The following LYPLA1 variants were observed in gnomAD, a reference collection of about 807,000 sequenced individuals.
LYPLA1 encodes acyl-protein thioesterase 1.
A neutral mutation model predicts 34.0 loss-of-function variants in LYPLA1; 17 were observed. That is an observed-to-expected ratio of 0.50 (90% confidence interval 0.34 to 0.75). The LOEUF is 0.75. Ranked by LOEUF, LYPLA1 falls within the 30% of genes least tolerant of loss-of-function variation. The probability of loss-of-function intolerance (pLI) is 0.01; values close to 1 mark genes in which losing one functional copy is unlikely to be tolerated. For missense variants in LYPLA1, 203 were observed against 288.8 expected, an observed-to-expected ratio of 0.70 and a Z score of 2.15; for synonymous variants, 98 against 100.8, an observed-to-expected ratio of 0.97 and a Z score of 0.17.
Position 54,063,363 on chromosome 8 carries a change from A to C in LYPLA1, c.180T>G (p.Pro60=). 2 of 1,534,746 alleles carry C rather than the reference A, an allele frequency of 1.3e-6. No individual in the cohort carries two copies. The highest frequency in any genetic ancestry group is 1.8e-6 in the Non-Finnish European group (2 of 1,138,506). Residue 60 remains proline (P), a synonymous_variant, in exon 4 of 9, where the codon CCT becomes CCG. Transcript: ENST00000316963. ...KYICPHAPVR[P]VTLNMNVAMP... ...TAGCCACGTTCATATTTAATGTAACAGGCCTAACAGGCCTACATGGAAAAG... is the reference window on the plus strand; with the variant it reads ...TAGCCACGTTCATATTTAATGTAACCGGCCTAACAGGCCTACATGGAAAAG...
intron 1 of LYPLA1, 84 bp downstream of exon 1, chr8:54,101,671 G>A (rs1563687402): frequency 1.7e-6 from 2 of 1,176,776 alleles, no homozygotes; most frequent in Non-Finnish European, 1.1e-6. Context: ...GCCGCCACGC[G>A]CCCGCAACGC....
downstream of LYPLA1, among the ~76,000 whole-genome samples, chr8:54,045,994 G>C (rs980297064): frequency 6.6e-6 from 1 of 152,160 alleles, no homozygotes. Context: ...CTGGGAGGCA[G>C]AGGTTGCAGT....
chr8:54,050,525 G>A (rs1805773587), intron 8 of LYPLA1, among the ~76,000 whole-genome samples: 1 of 152,160 alleles, frequency 6.6e-6, no homozygotes, highest in African/African-American at 2.4e-5. Flanking sequence ...TGAATGGCTT[G>A]CTTTTCCTGT....
At chr8:54,090,846 T>C (rs143478568) in intron 2 of LYPLA1, among the ~76,000 whole-genome samples, 1 of 152,230 alleles carries the variant, frequency 6.6e-6, no homozygotes, top group Non-Finnish European at 1.5e-5. Context: ...GCTGTTCTTA[T>C]GACAGTGAGT....
intron 2 of LYPLA1, among the ~76,000 whole-genome samples, chr8:54,083,466 T>C (rs1204797724): frequency 6.6e-6 from 1 of 152,224 alleles, no homozygotes; most frequent in Non-Finnish European, 1.5e-5. Context: ...GATGAATTTA[T>C]CATGATGTAA....
At chr8:54,080,105 G>A (rs1428646013) in intron 2 of LYPLA1, among the ~76,000 whole-genome samples, 1 of 152,002 alleles carries the variant, frequency 6.6e-6, no homozygotes, top group African/African-American at 2.4e-5. Flanking sequence ...TAATCTTCAG[G>A]CTGGGCGTGG....
intron 5 of LYPLA1, among the ~76,000 whole-genome samples, chr8:54,057,021 C>G (rs189293054): frequency 3.1e-4 from 47 of 152,238 alleles, no homozygotes; most frequent in African/African-American, 1.1e-3. Flanking sequence ...CATCACTGAT[C>G]GCCAGCAAAA....
At chr8:54,084,519 T>G (rs1309291476) in intron 2 of LYPLA1, among the ~76,000 whole-genome samples, 1 of 151,738 alleles carries the variant, frequency 6.6e-6, no homozygotes, top group South Asian at 2.1e-4. Flanking sequence ...AGCAGTGAGT[T>G]GAGATTGAGC....
intron 1 of LYPLA1, chr8:54,101,429 C>G (rs1476619713): frequency 9.3e-7 from 1 of 1,079,116 alleles, no homozygotes; most frequent in Non-Finnish European, 1.1e-6. Flanking sequence ...TCCTGGCGGA[C>G]TTAGGTTTCC....
At chr8:54,086,595 G>A (rs1440000168) in intron 2 of LYPLA1, among the ~76,000 whole-genome samples, 2 of 146,764 alleles carry the variant, frequency 1.4e-5, no homozygotes, top group Admixed American at 1.4e-4. Flanking sequence ...CAGGTGTGAT[G>A]GCTCACACTC....
downstream of LYPLA1, among the ~76,000 whole-genome samples, chr8:54,044,352 T>C (rs1281706455): frequency 2.0e-5 from 3 of 152,136 alleles, no homozygotes; most frequent in African/African-American, 4.8e-5. Flanking sequence ...CATAAAGTAT[T>C]TGTTTGCTTC....
chr8:54,081,183 A>G (rs1435327798), intron 2 of LYPLA1, among the ~76,000 whole-genome samples: 1 of 152,192 alleles, frequency 6.6e-6, no homozygotes, highest in Non-Finnish European at 1.5e-5. Context: ...CCAAATATAC[A>G]GACAATGCAA....
chr8:54,084,141 A>ATATACAT (rs1554547935), intron 2 of LYPLA1, among the ~76,000 whole-genome samples: 1 of 118,676 alleles, frequency 8.4e-6, no homozygotes, highest in African/African-American at 4.6e-5. Flanking sequence ...AAAATAAATA[A>ATATACAT]ATATATATAT....
intron 7 of LYPLA1, among the ~76,000 whole-genome samples, chr8:54,052,291 C>T (rs1805898529): frequency 6.6e-6 from 1 of 152,054 alleles, no homozygotes; most frequent in Non-Finnish European, 1.5e-5. Flanking sequence ...ACAATACAGA[C>T]AGTATAGCGT....
chr8:54,044,604 AT>A (rs373825361), downstream of LYPLA1, among the ~76,000 whole-genome samples: 36 of 147,106 alleles, frequency 2.4e-4, no homozygotes, highest in South Asian at 4.3e-4. Flanking sequence ...AAGGGGCCAG[AT>A]TTTTTTTTTT....
At chr8:54,087,615 G>A (rs542530028) in intron 2 of LYPLA1, among the ~76,000 whole-genome samples, 1 of 152,332 alleles carries the variant, frequency 6.6e-6, no homozygotes, top group African/African-American at 2.4e-5. Context: ...TACAAATAAT[G>A]TATCTGATAG....
chr8:54,098,498 G>A (rs937238592), intron 2 of LYPLA1, among the ~76,000 whole-genome samples: 2 of 152,112 alleles, frequency 1.3e-5, no homozygotes, highest in Non-Finnish European at 2.9e-5. Flanking sequence ...GGCCAACATG[G>A]CAAAACCCCA....
chr8:54,090,551 T>G (rs1809152221), intron 2 of LYPLA1, among the ~76,000 whole-genome samples: 1 of 152,162 alleles, frequency 6.6e-6, no homozygotes, highest in Non-Finnish European at 1.5e-5. Flanking sequence ...CATAATCAAA[T>G]GACCCTAAAT....
chr8:54,075,273 CAA>C (rs1807803058), intron 2 of LYPLA1, among the ~76,000 whole-genome samples: 1 of 152,190 alleles, frequency 6.6e-6, no homozygotes, highest in African/African-American at 2.4e-5. Context: ...GATCCGATTA[CAA>C]AAAGTTAGTA....
Sources: allele counts gnomAD v4.1 joint callset (sites outside exome capture counted in the v4.1 genomes callset), GRCh38; gene constraint gnomAD v4.1.1; transcripts MANE v1.5; gene names NCBI Gene and HGNC (gene_info 2026-07-23, HGNC 2026-07-21).